Variants in SENP7 observed in about 807,000 individuals in gnomAD.
SENP7 encodes the protein sentrin-specific protease 7.
In SENP7, 64 loss-of-function variants were observed where a neutral mutation model predicts 141.2. The ratio of observed to expected loss-of-function variants is 0.45; its 90% CI spans 0.37 to 0.56. The LOEUF (loss-of-function observed/expected upper bound fraction) is 0.56, where lower values mean the gene tolerates loss of function less well. SENP7 is among the 20% of genes least tolerant of loss of function. SENP7 has a pLI of 0.00. For synonymous variants in SENP7, 382 were observed against 426.4 expected, an observed-to-expected ratio of 0.90 and a Z score of 1.28; for missense variants, 1,025 against 1,212.2, an observed-to-expected ratio of 0.85 and a Z score of 2.29.
At chr3:101,398,723 C>G in intron 6 of SENP7, 138 bp downstream of exon 6, 1 of 622,498 alleles carries the variant, frequency 1.6e-6, no homozygotes, top group Non-Finnish European at 2.6e-6. Flanking sequence ...CCATTCCAGC[C>G]ACCCGGGGAG....
chr3:101,338,222 G>C (rs888277762), intron 16 of SENP7, among the ~76,000 whole-genome samples: 1 of 151,240 alleles, frequency 6.6e-6, no homozygotes, highest in African/African-American at 2.4e-5. Flanking sequence ...GTTTACACTA[G>C]AGACACAAAA....
At chr3:101,327,639 T>G in intron 23 of SENP7, 27 bp downstream of exon 23, 1 of 1,566,354 alleles carries the variant, frequency 6.4e-7, no homozygotes, top group Non-Finnish European at 8.7e-7. Context: ...AACTGTGAAT[T>G]AAAAACTTAT....
At chr3:101,408,505 C>T (rs916211267) in intron 5 of SENP7, among the ~76,000 whole-genome samples, 2 of 152,184 alleles carry the variant, frequency 1.3e-5, no homozygotes, top group Non-Finnish European at 1.5e-5. Context: ...ACCAATACCC[C>T]TGATGAACAC....
intron 4 of SENP7, among the ~76,000 whole-genome samples, chr3:101,438,131 C>T (rs2062461454): frequency 6.6e-6 from 1 of 152,126 alleles, no homozygotes; most frequent in Non-Finnish European, 1.5e-5. Context: ...AAACAGTGAG[C>T]TGAGGTATTT....
intron 1 of SENP7, among the ~76,000 whole-genome samples, chr3:101,508,661 A>C (rs1414357933): frequency 1.3e-5 from 2 of 152,174 alleles, no homozygotes; most frequent in African/African-American, 4.8e-5. Flanking sequence ...AAAACTCTCA[A>C]GTTCTCAAAT....
At chr3:101,453,730 G>C (rs1263129758) in intron 4 of SENP7, among the ~76,000 whole-genome samples, 2 of 152,062 alleles carry the variant, frequency 1.3e-5, no homozygotes, top group East Asian at 1.9e-4. Context: ...GTGGGGGCAG[G>C]GGGGAGGAAT....
At chr3:101,419,797 T>C (rs1370182905) in intron 4 of SENP7, among the ~76,000 whole-genome samples, 2 of 152,224 alleles carry the variant, frequency 1.3e-5, no homozygotes, top group Non-Finnish European at 2.9e-5. Flanking sequence ...CTAATATTTA[T>C]TGAACATGTA....
At chr3:101,489,058 C>T (rs916850411) in intron 3 of SENP7, among the ~76,000 whole-genome samples, 2 of 152,018 alleles carry the variant, frequency 1.3e-5, no homozygotes, top group Non-Finnish European at 2.9e-5. Context: ...ATCCTACCAG[C>T]CCAACATTCA....
chr3:101,499,251 C>CAAT (rs2065276517), intron 2 of SENP7, among the ~76,000 whole-genome samples: 1 of 151,924 alleles, frequency 6.6e-6, no homozygotes, highest in African/African-American at 2.4e-5. Flanking sequence ...ATGAATAATG[C>CAAT]AATAGTCTAA....
intron 3 of SENP7, among the ~76,000 whole-genome samples, chr3:101,492,139 T>TG (rs2064993505): frequency 6.6e-6 from 1 of 151,372 alleles, no homozygotes; most frequent in African/African-American, 2.4e-5. Flanking sequence ...GGCTCACGCC[T>TG]GTAAACCCAG....
intron 6 of SENP7, among the ~76,000 whole-genome samples, chr3:101,397,327 C>T (rs2060998905): frequency 6.6e-6 from 1 of 151,978 alleles, no homozygotes; most frequent in African/African-American, 2.4e-5. Flanking sequence ...GAAACAAGAT[C>T]TCACTATGCC....
At chr3:101,415,641 C>T (rs1237167971) in intron 5 of SENP7, among the ~76,000 whole-genome samples, 2 of 152,194 alleles carry the variant, frequency 1.3e-5, no homozygotes, top group Non-Finnish European at 2.9e-5. Context: ...AGACAAACCC[C>T]TGGCAGCAGG....
At chr3:101,461,703 G>A (rs901418415) in intron 3 of SENP7, among the ~76,000 whole-genome samples, 14 of 151,788 alleles carry the variant, frequency 9.2e-5, no homozygotes, top group South Asian at 6.2e-4. Flanking sequence ...ACAGGTTTTC[G>A]AACAGATGCT....
intron 4 of SENP7, among the ~76,000 whole-genome samples, chr3:101,435,974 T>C (rs2062372395): frequency 6.6e-6 from 1 of 152,146 alleles, no homozygotes; most frequent in Non-Finnish European, 1.5e-5. Flanking sequence ...AAAGCTATCT[T>C]GAGCAAAAAG....
At chr3:101,394,990 A>T (rs898866960) in intron 6 of SENP7, among the ~76,000 whole-genome samples, 1 of 151,548 alleles carries the variant, frequency 6.6e-6, no homozygotes, top group Non-Finnish European at 1.5e-5. Context: ...TTTTAGTGGG[A>T]TTATTTGTTT....
Position 101,451,839 on chromosome 3 carries a change from C to T in SENP7, c.284+7116G>A, listed in dbSNP as rs558083958. On this transcript the variant is annotated intron_variant, in intron 4 of 23. Coordinates refer to ENST00000394095, the MANE Select transcript of SENP7 (RefSeq NM_020654.5). ...GCCCTCTCTCACCACTCCTATTCAA[C>T]ATTGTGTTGGAAGTTCTGGCCAGGG... Among the ~76,000 whole-genome samples the T allele has an allele frequency of 4.8e-3, 726 of 152,244 alleles. 4 individuals are homozygous for T. The highest frequency in any genetic ancestry group is 0.017 in the African/African-American group (689 of 41,552).
chr3:101,495,492 A>C (rs2065127278), intron 2 of SENP7, among the ~76,000 whole-genome samples: 1 of 152,226 alleles, frequency 6.6e-6, no homozygotes, highest in Admixed American at 6.5e-5. Context: ...AAAGACATGG[A>C]ATCAACCCAA....
intron 12 of SENP7, among the ~76,000 whole-genome samples, chr3:101,349,347 T>C (rs1488439138): frequency 6.6e-6 from 1 of 151,434 alleles, no homozygotes; most frequent in Non-Finnish European, 1.5e-5. Context: ...ATCCTATTTC[T>C]GTGAAATCTA....
chr3:101,332,073 C>A lies in SENP7; in HGVS notation c.2610G>T (p.Trp870Cys). ...AATCTTCATACACAGCTTCTTCTAA[C>A]CATGGAAAACAAATGACTGCGAGAT... The part of the protein sequence containing the change: ...HWYLAVICFP[W>C]LEEAVYEDFP... The change falls in exon 19 of 24, where the codon TGG (tryptophan) becomes TGT (cysteine). Residue 870 changes from tryptophan (W) to cysteine (C), a missense_variant. By Grantham distance (215) the Trp-to-Cys change is radical. Coordinates refer to ENST00000394095, the MANE Select transcript of SENP7 (RefSeq NM_020654.5). The A allele has an allele frequency of 3.7e-6, 6 of 1,613,246 alleles. No homozygotes were observed. The highest frequency in any genetic ancestry group is 5.1e-6 in the Non-Finnish European group (6 of 1,179,580).
Sources: gnomAD v4.1 joint callset for allele counts (sites outside exome capture counted in the v4.1 genomes callset) on GRCh38, gnomAD v4.1.1 for gene constraint, MANE v1.5 for transcripts, NCBI Gene and HGNC (gene_info 2026-07-23, HGNC 2026-07-21) for gene names.